DNMBP: variants seen among roughly 807,000 people sequenced by gnomAD.
DNMBP encodes dynamin-binding protein.
Under a neutral mutation model 150.0 loss-of-function variants are expected in DNMBP, and 87 were observed. The ratio of observed to expected loss-of-function variants is 0.58; its 90% CI spans 0.49 to 0.69. The LOEUF is 0.69. Among genes scored for constraint, DNMBP ranks in the 30% least tolerant of loss-of-function variants. The probability of loss-of-function intolerance (pLI) is 0.00; values close to 1 mark genes in which losing one functional copy is unlikely to be tolerated. For missense variants in DNMBP, 1,774 were observed against 1,949.0 expected, an observed-to-expected ratio of 0.91 and a Z score of 1.69; for synonymous variants, 711 against 750.4, an observed-to-expected ratio of 0.95 and a Z score of 0.86.
At chr10:100,009,627 G>C (rs1408166715) in intron 1 of DNMBP, among the ~76,000 whole-genome samples, 8 of 152,204 alleles carry the variant, frequency 5.3e-5, no homozygotes, top group African/African-American at 1.7e-4. Flanking sequence ...GAGTGCGAGG[G>C]GGCCCGCTGC....
intron 4 of DNMBP, among the ~76,000 whole-genome samples, chr10:99,942,160 A>C (rs2040307942): frequency 6.6e-6 from 1 of 151,808 alleles, no homozygotes; most frequent in South Asian, 2.1e-4. Context: ...GATGCCTCCC[A>C]CCCCCAGAAA....
chr10:99,974,574 T>A (rs772997303), intron 1 of DNMBP, among the ~76,000 whole-genome samples: 1 of 151,066 alleles, frequency 6.6e-6, no homozygotes, highest in African/African-American at 2.4e-5. Context: ...AATAGCTCAC[T>A]GCAGCCTTGA....
intron 1 of DNMBP, among the ~76,000 whole-genome samples, chr10:99,979,681 T>C (rs1177634719): frequency 1.3e-5 from 2 of 152,224 alleles, no homozygotes; most frequent in Non-Finnish European, 2.9e-5. Context: ...TAGAGGAGCA[T>C]TTTAAAATTA....
At chr10:99,933,776 A>G (rs532294797) in intron 4 of DNMBP, among the ~76,000 whole-genome samples, 18 of 151,902 alleles carry the variant, frequency 1.2e-4, no homozygotes, top group East Asian at 1.2e-3. Context: ...TCGCTCTATC[A>G]CTCAGGCTGG....
intron 3 of DNMBP, among the ~76,000 whole-genome samples, chr10:99,962,208 T>C (rs3121875): frequency 1.1e-4 from 16 of 152,184 alleles, no homozygotes; most frequent in Admixed American, 2.6e-4. Context: ...TTAGAGAGAG[T>C]TGCCCAAAAT....
rs778264717 is a variant in DNMBP, at chr10:99,908,979, T to C, written c.2428A>G (p.Ile810Val). 1.2e-6 allele frequency: 2 copies of C among 1,613,874 alleles called. No individual in the cohort carries two copies. The highest frequency in any genetic ancestry group is 2.2e-5 in the South Asian group (2 of 91,010). Residue 810 changes from isoleucine to valine, a missense_variant, in exon 5 of 17, where the codon ATC becomes GTC. This residue lies in a region of DNMBP where 1,430 missense variants were observed against 1,492.5 expected (regional missense o/e 0.96). Transcript: ENST00000324109. ...TGTGCCTGCTGCATGGGTACCATGA[T>C]CCGCTCAATACACATTTCCAGATCC... ...IRDLEMCIER[I>V]MVPMQQAQVP...
intron 4 of DNMBP, chr10:99,930,787 G>A (rs1335087279): frequency 1.6e-6 from 1 of 631,128 alleles, no homozygotes; most frequent in South Asian, 1.9e-5. Flanking sequence ...AAAGACAAAG[G>A]TTTTACTATT....
At chr10:99,929,906 A>C (rs1466165829) in intron 4 of DNMBP, 8 of 702,806 alleles carry the variant, frequency 1.1e-5, no homozygotes, top group Non-Finnish European at 2.1e-5. Context: ...GATGGAGAGA[A>C]TCTGTCCCTC....
At chr10:99,907,582 G>A (rs2039842554) in intron 6 of DNMBP, among the ~76,000 whole-genome samples, 1 of 151,930 alleles carries the variant, frequency 6.6e-6, no homozygotes, top group South Asian at 2.1e-4. Flanking sequence ...TTTTAGTACA[G>A]ACAGGGTTTC....
At chr10:99,949,732 AT>A (rs1026660464) in intron 4 of DNMBP, among the ~76,000 whole-genome samples, 11 of 152,164 alleles carry the variant, frequency 7.2e-5, no homozygotes, top group African/African-American at 1.2e-4. Flanking sequence ...CTAAACAGCA[AT>A]TTTTTTAAAA....
At chr10:99,884,340 A>C in intron 14 of DNMBP, 131 bp from the exon 15 acceptor site, 1 of 807,180 alleles carries the variant, frequency 1.2e-6, no homozygotes, top group Non-Finnish European at 1.9e-6. Flanking sequence ...CTCCCATCAG[A>C]TGTTTTTGTG....
chr10:99,895,171 G>T (rs2039634591), intron 10 of DNMBP, 121 bp from the exon 11 acceptor site: 4 of 610,332 alleles, frequency 6.6e-6, no homozygotes, highest in Non-Finnish European at 2.8e-6. Context: ...TTGTCGTCCA[G>T]GTTGGAGTGC....
At chr10:99,887,876 G>GT (rs1026126781) in intron 12 of DNMBP, among the ~76,000 whole-genome samples, 1 of 152,138 alleles carries the variant, frequency 6.6e-6, no homozygotes, top group Non-Finnish European at 1.5e-5. Context: ...CCAGGCTGGA[G>GT]TACAATGGCA....
chr10:99,897,580 C>T (rs1039244819), intron 9 of DNMBP, among the ~76,000 whole-genome samples: 3 of 152,186 alleles, frequency 2.0e-5, no homozygotes, highest in South Asian at 2.1e-4. Context: ...TATTTTATTA[C>T]AGATGCCTTA....
intron 4 of DNMBP, among the ~76,000 whole-genome samples, chr10:99,943,052 G>A (rs180693835): frequency 2.0e-5 from 3 of 149,312 alleles, no homozygotes; most frequent in Admixed American, 6.6e-5. Flanking sequence ...GGAGGCTGAG[G>A]GGGGGGCGGA....
intron 4 of DNMBP, among the ~76,000 whole-genome samples, chr10:99,952,363 G>T (rs2040433933): frequency 6.6e-6 from 1 of 152,176 alleles, no homozygotes; most frequent in South Asian, 2.1e-4. Flanking sequence ...GTTTGCTAGG[G>T]CTTTGGGAAT....
chr10:99,962,152 C>T (rs1589440821), intron 3 of DNMBP, among the ~76,000 whole-genome samples: 1 of 152,090 alleles, frequency 6.6e-6, no homozygotes, highest in Non-Finnish European at 1.5e-5. Context: ...AATTCTGACA[C>T]TTGTATTTTT....
chr10:99,966,251 G>A (rs956556191), intron 3 of DNMBP, among the ~76,000 whole-genome samples: 14 of 152,150 alleles, frequency 9.2e-5, no homozygotes, highest in African/African-American at 3.4e-4. Flanking sequence ...TTATCACAGA[G>A]AGGAGAACAA....
chr10:99,885,340 C>T (rs1313828806), intron 14 of DNMBP, among the ~76,000 whole-genome samples: 1 of 152,144 alleles, frequency 6.6e-6, no homozygotes, highest in African/African-American at 2.4e-5. Context: ...AAAACCCCAT[C>T]TCTACTAAAA....
Sources: allele counts gnomAD v4.1 joint callset (sites outside exome capture counted in the v4.1 genomes callset), GRCh38; gene constraint gnomAD v4.1.1; regional missense constraint gnomAD v4.1.1; transcripts MANE v1.5; gene names NCBI Gene and HGNC (gene_info 2026-07-23, HGNC 2026-07-21).